The following TANGO6 variants were observed in gnomAD, a reference collection of about 807,000 sequenced individuals.
TANGO6 encodes transport and Golgi organization protein 6 homolog.
TANGO6 carries 90 observed loss-of-function variants against 114.2 expected under a neutral mutation model. The observed-to-expected ratio is 0.79, with a 90% CI of 0.66 to 0.94. The LOEUF (loss-of-function observed/expected upper bound fraction) is 0.94, where lower values mean the gene tolerates loss of function less well. Among genes scored for constraint, TANGO6 ranks in the 40% least tolerant of loss-of-function variants. TANGO6 has a pLI of 0.00. For missense variants in TANGO6, 1,274 were observed against 1,315.3 expected (o/e 0.97, Z 0.49); for synonymous variants, 477 against 509.8 (o/e 0.94, Z 0.87).
At chr16:68,894,879 G>A (rs1413769757) in intron 7 of TANGO6, among the ~76,000 whole-genome samples, 4 of 152,004 alleles carry the variant, frequency 2.6e-5, no homozygotes, top group Non-Finnish European at 5.9e-5. Flanking sequence ...GAAGCAATCA[G>A]TCCCCATTCT....
intron 15 of TANGO6, among the ~76,000 whole-genome samples, chr16:68,999,806 A>G (rs1468443752): frequency 2.0e-5 from 3 of 152,252 alleles, no homozygotes; most frequent in Non-Finnish European, 2.9e-5. Flanking sequence ...GTATTTTATT[A>G]GTTCAATCTA....
At chr16:69,075,801 G>C (rs553018946) in intron 17 of TANGO6, among the ~76,000 whole-genome samples, 2 of 138,450 alleles carry the variant, frequency 1.4e-5, no homozygotes, top group South Asian at 4.5e-4. Flanking sequence ...GTCTCACTCT[G>C]TGTTACCCGG....
intron 14 of TANGO6, among the ~76,000 whole-genome samples, chr16:68,965,943 C>T (rs1329815258): frequency 6.6e-6 from 1 of 151,642 alleles, no homozygotes; most frequent in Non-Finnish European, 1.5e-5. Context: ...TTAAAGTGAA[C>T]AATTCAGACC....
At chr16:68,854,467 A>G (rs1471857750) in intron 1 of TANGO6, among the ~76,000 whole-genome samples, 1 of 152,180 alleles carries the variant, frequency 6.6e-6, no homozygotes, top group East Asian at 1.9e-4. Context: ...GAAACAAACC[A>G]AAATAAAACA....
At chr16:69,077,567 G>A (rs1417350147) in intron 17 of TANGO6, among the ~76,000 whole-genome samples, 1 of 152,238 alleles carries the variant, frequency 6.6e-6, no homozygotes, top group Admixed American at 6.5e-5. Context: ...GCTCACGCCT[G>A]TAATCCCACC....
At chr16:69,073,922 G>A (rs1405808666) in intron 17 of TANGO6, among the ~76,000 whole-genome samples, 1 of 150,978 alleles carries the variant, frequency 6.6e-6, no homozygotes, top group Admixed American at 6.6e-5. Flanking sequence ...GCCATTCACT[G>A]CTCTCCAGCC....
At chr16:68,973,602 T>C (rs1033522429) in intron 14 of TANGO6, among the ~76,000 whole-genome samples, 2 of 152,216 alleles carry the variant, frequency 1.3e-5, no homozygotes, top group East Asian at 3.9e-4. Flanking sequence ...GGGTCTTCCC[T>C]ATTTCTGTTG....
chr16:68,869,623 C>T (rs1289121685), intron 4 of TANGO6, among the ~76,000 whole-genome samples: 1 of 152,316 alleles, frequency 6.6e-6, no homozygotes, highest in Middle Eastern at 3.4e-3. Context: ...TCACTTTTAT[C>T]CTGGTGAACA....
intron 17 of TANGO6, among the ~76,000 whole-genome samples, chr16:69,078,803 G>T (rs571518530): frequency 6.6e-6 from 1 of 151,736 alleles, no homozygotes; most frequent in African/African-American, 2.4e-5. Context: ...GTGCAGTGGC[G>T]CAATCTTGGC....
chr16:69,054,274 G>T (rs1404826073), intron 17 of TANGO6, among the ~76,000 whole-genome samples: 2 of 152,138 alleles, frequency 1.3e-5, no homozygotes, highest in Non-Finnish European at 2.9e-5. Flanking sequence ...CCTCCAAAGG[G>T]TAAACACTCC....
intron 7 of TANGO6, among the ~76,000 whole-genome samples, chr16:68,885,860 A>G (rs1235837447): frequency 2.0e-5 from 3 of 152,176 alleles, no homozygotes; most frequent in East Asian, 1.9e-4. Context: ...GGTGTATGCT[A>G]TTAGTTTTTG....
rs772045944 is a variant in TANGO6 at position 68,907,521 on chromosome 16, G to A, written c.1746G>A (p.Leu582=). Reference sequence around the variant, plus strand: ...GGGTGGAGCATCTCGGGGACTTGCTGTCCCACTGCCAGGAATGCGGTTTGG... The same window carrying A: ...GGGTGGAGCATCTCGGGGACTTGCTATCCCACTGCCAGGAATGCGGTTTGG... ...QGRVEHLGDL[L]SHCQECGLAG... The change falls in exon 10 of 18, where the codon CTG becomes CTA. Residue 582 remains leucine, a synonymous_variant. Transcript: ENST00000261778. 5 of 1,613,266 alleles carry A rather than the reference G, an allele frequency of 3.1e-6. No individual in the cohort carries two copies. The highest frequency in any genetic ancestry group is 2.2e-5 in the East Asian group (1 of 44,824).
chr16:68,995,461 G>A (rs904204333), intron 15 of TANGO6, among the ~76,000 whole-genome samples: 1 of 152,144 alleles, frequency 6.6e-6, no homozygotes, highest in African/African-American at 2.4e-5. Flanking sequence ...CCAACACTCT[G>A]CAGTGCTCTA....
chr16:68,953,106 C>T (rs1318795703), intron 14 of TANGO6, among the ~76,000 whole-genome samples: 3 of 137,886 alleles, frequency 2.2e-5, no homozygotes, highest in East Asian at 2.2e-4. Context: ...GTGTGTGAGA[C>T]GGAGTCTTGC....
intron 14 of TANGO6, among the ~76,000 whole-genome samples, chr16:68,943,279 T>A (rs1364876710): frequency 6.6e-6 from 1 of 151,578 alleles, no homozygotes; most frequent in Non-Finnish European, 1.5e-5. Context: ...TTATTATTTT[T>A]ATTTTTTGAG....
intron 16 of TANGO6, among the ~76,000 whole-genome samples, chr16:69,025,560 G>A (rs1959486970): frequency 6.6e-6 from 1 of 152,354 alleles, no homozygotes; most frequent in African/African-American, 2.4e-5. Flanking sequence ...AATAGGTGAA[G>A]GGTGGGGACC....
At chr16:68,934,068 A>C (rs1314159477) in intron 14 of TANGO6, among the ~76,000 whole-genome samples, 3 of 149,172 alleles carry the variant, frequency 2.0e-5, no homozygotes, top group Non-Finnish European at 4.4e-5. Flanking sequence ...TTAGAGACAG[A>C]GTCTTGCTCT....
At chr16:68,897,239 G>T (rs1034867230) in intron 7 of TANGO6, among the ~76,000 whole-genome samples, 1 of 151,956 alleles carries the variant, frequency 6.6e-6, no homozygotes, top group African/African-American at 2.4e-5. Flanking sequence ...TTCTCTTTCT[G>T]CATGCTCTTC....
At chr16:68,890,740 G>A (rs1053786376) in intron 7 of TANGO6, among the ~76,000 whole-genome samples, 24 of 151,524 alleles carry the variant, frequency 1.6e-4, no homozygotes, top group Admixed American at 1.4e-3. Flanking sequence ...CAAAAATTAG[G>A]CCAGGCGTGG....
Sources: allele counts gnomAD v4.1 joint callset (sites outside exome capture counted in the v4.1 genomes callset), GRCh38; gene constraint gnomAD v4.1.1; transcripts MANE v1.5; gene names NCBI Gene and HGNC (gene_info 2026-07-23, HGNC 2026-07-21).